The following ATXN7L1 variants were observed in gnomAD, a reference collection of about 807,000 sequenced individuals.
ATXN7L1 encodes the protein ataxin-7-like protein 1.
In ATXN7L1, 15 loss-of-function variants were observed where a neutral mutation model predicts 70.8. The observed-to-expected ratio is 0.21, with a 90% CI of 0.14 to 0.33. The LOEUF (loss-of-function observed/expected upper bound fraction) is 0.33, where lower values mean the gene tolerates loss of function less well. Among genes scored for constraint, ATXN7L1 ranks in the 10% least tolerant of loss-of-function variants. The probability of loss-of-function intolerance (pLI) is 1.00; values close to 1 mark genes in which losing one functional copy is unlikely to be tolerated. For synonymous variants in ATXN7L1, 440 were observed against 445.1 expected, an observed-to-expected ratio of 0.99 and a Z score of 0.14; for missense variants, 975 against 1,097.1, an observed-to-expected ratio of 0.89 and a Z score of 1.57.
At chr7:105,663,470 C>T (rs553810593) in intron 4 of ATXN7L1, among the ~76,000 whole-genome samples, 2 of 152,328 alleles carry the variant, frequency 1.3e-5, no homozygotes, top group South Asian at 2.1e-4. Flanking sequence ...TGCCTAGGTA[C>T]GAACTTAAGT....
At chr7:105,639,860 A>AG (rs1198422248) in intron 5 of ATXN7L1, among the ~76,000 whole-genome samples, 1 of 152,170 alleles carries the variant, frequency 6.6e-6, no homozygotes, top group East Asian at 1.9e-4. Flanking sequence ...CAGGCACCGA[A>AG]GGGAAGGAGA....
intron 3 of ATXN7L1, among the ~76,000 whole-genome samples, chr7:105,759,671 C>G (rs1490988590): frequency 6.6e-6 from 1 of 152,116 alleles, no homozygotes; most frequent in Non-Finnish European, 1.5e-5. Context: ...AAAGATGAAA[C>G]AACTCTAGAA....
chr7:105,667,884 C>G (rs890467705), intron 3 of ATXN7L1, among the ~76,000 whole-genome samples: 2 of 152,110 alleles, frequency 1.3e-5, no homozygotes, highest in Non-Finnish European at 2.9e-5. Flanking sequence ...TCTTTTTCGG[C>G]AGAGGCTTCC....
At chr7:105,665,318 A>T (rs1208926201) in intron 3 of ATXN7L1, 30 bp from the exon 4 acceptor site, 1 of 1,517,350 alleles carries the variant, frequency 6.6e-7, no homozygotes, top group South Asian at 1.2e-5. Context: ...AGAACTCAGC[A>T]CAGCATCTGT....
At chr7:105,775,679 G>A (rs1262525158) in intron 3 of ATXN7L1, among the ~76,000 whole-genome samples, 1 of 152,182 alleles carries the variant, frequency 6.6e-6, no homozygotes, top group Non-Finnish European at 1.5e-5. Flanking sequence ...CCTTCCCATG[G>A]CCAGTTTCTC....
At chr7:105,853,631 G>A (rs751186370) in intron 2 of ATXN7L1, among the ~76,000 whole-genome samples, 4 of 151,638 alleles carry the variant, frequency 2.6e-5, no homozygotes, top group Non-Finnish European at 5.9e-5. Context: ...GGGCGTGGTG[G>A]TGGGCGCCTG....
At chr7:105,864,862 C>G (rs142267639) in intron 2 of ATXN7L1, among the ~76,000 whole-genome samples, 4,324 of 152,162 alleles carry the variant, frequency 0.028, 234 homozygotes, top group African/African-American at 0.097. Context: ...GTCTCGAACT[C>G]CTGACCTCAT....
intron 2 of ATXN7L1, among the ~76,000 whole-genome samples, chr7:105,856,586 CA>C (rs375731226): frequency 0.018 from 1,483 of 80,268 alleles, 8 homozygotes; most frequent in African/African-American, 0.044. Flanking sequence ...GACTCAGTCT[CA>C]AAAAAAAAAA....
chr7:105,669,254 G>A (rs530498383), intron 3 of ATXN7L1, among the ~76,000 whole-genome samples: 1 of 152,096 alleles, frequency 6.6e-6, no homozygotes, highest in East Asian at 1.9e-4. Flanking sequence ...ACTTATTTTT[G>A]TATTTTTAGT....
chr7:105,847,455 G>A (rs573756586), intron 2 of ATXN7L1, among the ~76,000 whole-genome samples: 1 of 152,284 alleles, frequency 6.6e-6, no homozygotes, highest in African/African-American at 2.4e-5. Flanking sequence ...TAGAGAACAG[G>A]TCCAGCTGAG....
chr7:105,793,040 T>TA (rs549339133), intron 2 of ATXN7L1, among the ~76,000 whole-genome samples: 1 of 152,226 alleles, frequency 6.6e-6, no homozygotes, highest in South Asian at 2.1e-4. Flanking sequence ...CAGTGATTTG[T>TA]AAAAAGTAGC....
rs138950942 is a variant in ATXN7L1 at position 105,678,670 on chromosome 7, C to T, written c.356-13382G>A. ...ATAATACACGGACATAAACATGGGG[C>T]GTTGGGGTTGACACGCCGGGAAGGT... On this transcript the variant is annotated intron_variant, in intron 3 of 11. Transcript: ENST00000419735. Among the ~76,000 whole-genome samples, 1,271 of 152,188 alleles carry T rather than the reference C, an allele frequency of 8.4e-3. 9 individuals are homozygous for T. Among genetic ancestry groups the T allele is most frequent in the Non-Finnish European group, 0.014 (972 of 68,002 alleles).
Position 105,876,405 on chromosome 7 carries a change from C to A in ATXN7L1, c.154G>T (p.Asp52Tyr). 1.2e-6 allele frequency: 2 copies of A among 1,610,860 alleles called. No individual in the cohort carries two copies. Among genetic ancestry groups the A allele is most frequent in the Admixed American group, 1.7e-5 (1 of 59,664 alleles). The change falls in exon 1 of 12, where the codon GAC (aspartate) becomes TAC (tyrosine). Residue 52 changes from aspartate to tyrosine, a missense_variant. Coordinates refer to ENST00000419735, the MANE Select transcript of ATXN7L1 (RefSeq NM_020725.2). ...TCGGAGCAGTGTAATTTGGCGGCGT[C>A]GATCCAGGAGGACCAGGGTTTGCCC... ...FLGKPWSSWI[D>Y]AAKLHCSDNV...
intron 2 of ATXN7L1, among the ~76,000 whole-genome samples, chr7:105,859,782 CTTTTTTTT>C (rs34111825): frequency 1.1e-5 from 1 of 94,146 alleles, no homozygotes; most frequent in Non-Finnish European, 2.2e-5. Context: ...TTCTTTCTTT[CTTTTTTTT>C]TTTTTTTTTT....
intron 3 of ATXN7L1, among the ~76,000 whole-genome samples, chr7:105,666,947 T>A (rs900290625): frequency 6.6e-6 from 1 of 152,174 alleles, no homozygotes. Context: ...TCTTTATCTG[T>A]GAATGAAGTG....
rs1491504611 is a variant in ATXN7L1, at chr7:105,636,454, CCA to C, written c.1202+1897_1202+1898del. ...TGTGTAATGTGTTCCTCTGCCCCCCCCACCCCCACTTCTTTTCCAGAAACATT... is the reference window on the plus strand; with the variant it reads ...TGTGTAATGTGTTCCTCTGCCCCCCCCCCCCACTTCTTTTCCAGAAACATT... On this transcript the variant is annotated intron_variant, in intron 7 of 11. Transcript: ENST00000419735. Among the ~76,000 whole-genome samples the C allele has an allele frequency of 3.5e-4, 53 of 150,730 alleles. 1 individual carries two copies. Among genetic ancestry groups the C allele is most frequent in the Non-Finnish European group, 5.5e-4 (37 of 67,272 alleles).
At chr7:105,718,042 T>C (rs1049692709) in intron 3 of ATXN7L1, among the ~76,000 whole-genome samples, 1 of 152,224 alleles carries the variant, frequency 6.6e-6, no homozygotes, top group South Asian at 2.1e-4. Flanking sequence ...AACGTTCTTT[T>C]GGTAAAGCAG....
intron 3 of ATXN7L1, among the ~76,000 whole-genome samples, chr7:105,678,426 G>A (rs1805044811): frequency 6.6e-6 from 1 of 152,134 alleles, no homozygotes; most frequent in African/African-American, 2.4e-5. Flanking sequence ...GAGCCCGTCA[G>A]TCCACCTGTG....
chr7:105,665,711 G>A (rs142711894), intron 3 of ATXN7L1, among the ~76,000 whole-genome samples: 76 of 152,300 alleles, frequency 5.0e-4, no homozygotes, highest in South Asian at 2.1e-3. Context: ...TTAACAAACA[G>A]GAAACTCTTG....
Sources: allele counts gnomAD v4.1 joint callset (sites outside exome capture counted in the v4.1 genomes callset), GRCh38; gene constraint gnomAD v4.1.1; transcripts MANE v1.5; gene names NCBI Gene and HGNC (gene_info 2026-07-23, HGNC 2026-07-21).